The following P4HA3 variants were observed in gnomAD, a reference collection of about 807,000 sequenced individuals.
The protein encoded by P4HA3 is prolyl 4-hydroxylase subunit alpha 3.
A neutral mutation model predicts 66.7 loss-of-function variants in P4HA3; 60 were observed. The observed-to-expected ratio is 0.90, with a 90% CI of 0.73 to 1.12. The LOEUF is 1.12. Ranked by LOEUF, P4HA3 falls within the 50% of genes most tolerant of loss-of-function variation. The pLI, the probability that P4HA3 is intolerant of heterozygous loss-of-function variation, is 0.00. For missense variants in P4HA3, 683 were observed against 685.8 expected, an observed-to-expected ratio of 1.00 and a Z score of 0.05; for synonymous variants, 263 against 274.6, an observed-to-expected ratio of 0.96 and a Z score of 0.42.
At chr11:74,286,489 G>A (rs530110631) in intron 5 of P4HA3, 98 bp from the exon 6 acceptor site, 4 of 1,174,632 alleles carry the variant, frequency 3.4e-6, no homozygotes, top group East Asian at 2.6e-5. Context: ...TGCTGCACAG[G>A]ATGGGCAAGT....
chr11:74,255,554 A>G (rs1228130717), intron 15 of P4HA3, among the ~76,000 whole-genome samples: 1 of 152,178 alleles, frequency 6.6e-6, no homozygotes, highest in Non-Finnish European at 1.5e-5. Context: ...ATGGAGATAA[A>G]CCGTACCTAC....
intron 4 of P4HA3, among the ~76,000 whole-genome samples, chr11:74,290,067 A>G (rs1860957154): frequency 6.6e-6 from 1 of 152,042 alleles, no homozygotes; most frequent in South Asian, 2.1e-4. Flanking sequence ...CCAACAGTGT[A>G]AAAGTGTTCC....
At position 74,293,935 on chromosome 11, in the gene P4HA3, T is replaced by C. The variant is rs574815336; in HGVS notation, c.717+4277A>G. On this transcript the variant is annotated intron_variant, in intron 4 of 12. Coordinates refer to ENST00000331597, the MANE Select transcript of P4HA3 (RefSeq NM_182904.5). ...TGACAATTATGTGTCTTGGAGTTGC[T>C]CTTCTCGAGGAGTATCTTTGTGGCG... Among the ~76,000 whole-genome samples the C allele has an allele frequency of 2.0e-5, 3 of 152,322 alleles. No homozygotes were observed. The South Asian group carries it at 6.2e-4, about 32-fold the overall frequency.
intron 4 of P4HA3, among the ~76,000 whole-genome samples, chr11:74,294,181 C>T (rs1861133854): frequency 6.6e-6 from 1 of 152,182 alleles, no homozygotes; most frequent in Non-Finnish European, 1.5e-5. Context: ...TCTCTCCTCG[C>T]TTCGTTTCAT....
chr11:74,277,981 C>T (rs1170835166), intron 8 of P4HA3, among the ~76,000 whole-genome samples: 1 of 152,160 alleles, frequency 6.6e-6, no homozygotes, highest in African/African-American at 2.4e-5. Flanking sequence ...GCCACATGCT[C>T]TTAGGTTACA....
intron 15 of P4HA3, among the ~76,000 whole-genome samples, chr11:74,255,648 G>A (rs1487158627): frequency 6.6e-6 from 1 of 152,204 alleles, no homozygotes; most frequent in Admixed American, 6.5e-5. Context: ...CATTTAATAA[G>A]TAGTTCCTGT....
chr11:74,254,557 C>T (rs1456304439), intron 15 of P4HA3: 1 of 153,248 alleles, frequency 6.5e-6, no homozygotes, highest in Non-Finnish European at 1.5e-5. Context: ...TTTTCTGTGA[C>T]TGTCTTAGGT....
chr11:74,279,865 G>C (rs558503183), intron 7 of P4HA3, among the ~76,000 whole-genome samples: 1 of 152,210 alleles, frequency 6.6e-6, no homozygotes, highest in South Asian at 2.1e-4. Flanking sequence ...AGTGTTTGTC[G>C]AATTAAATGA....
At position 74,266,970 on chromosome 11, in the gene P4HA3, G is replaced by T; in HGVS notation, c.*278C>A. On this transcript the variant is annotated 3_prime_UTR_variant, in exon 13 of 13. Transcript: ENST00000331597. Reference sequence around the variant, plus strand: ...TGAGATGTCCTGTTCCCAACAGAGAGTATCTGAACTCCAGAAACTTCCCTC... The same window carrying T: ...TGAGATGTCCTGTTCCCAACAGAGATTATCTGAACTCCAGAAACTTCCCTC... 7.0e-7 allele frequency: 1 copy of T among 1,427,270 alleles called. No homozygotes were observed. Among genetic ancestry groups the T allele is most frequent in the South Asian group, 1.4e-5 (1 of 71,546 alleles). The allele number at this position is 1,427,270 out of a possible 1,614,324, so 88.4% of individuals were successfully genotyped here. A position where few individuals can be genotyped will look rare whatever the true frequency, so the allele number is the denominator to read the frequency against.
At chr11:74,296,272 C>G (rs1057408242) in intron 4 of P4HA3, among the ~76,000 whole-genome samples, 8 of 152,176 alleles carry the variant, frequency 5.3e-5, no homozygotes, top group African/African-American at 1.9e-4. Flanking sequence ...CCTATGTTTT[C>G]ACAGCATTTG....
chr11:74,287,111 C>T (rs1485043621), intron 5 of P4HA3: 4 of 1,189,642 alleles, frequency 3.4e-6, no homozygotes, highest in Non-Finnish European at 4.2e-6. Flanking sequence ...CTTGTTTGTG[C>T]CCACCTGTTT....
intron 4 of P4HA3, among the ~76,000 whole-genome samples, chr11:74,294,546 T>C (rs1348445832): frequency 6.6e-6 from 1 of 152,212 alleles, no homozygotes; most frequent in Non-Finnish European, 1.5e-5. Flanking sequence ...TTCCAGTGTT[T>C]CTGCTCTGTT....
At chr11:74,274,190 C>T (rs1478547690) in intron 9 of P4HA3, among the ~76,000 whole-genome samples, 1 of 152,152 alleles carries the variant, frequency 6.6e-6, no homozygotes, top group Non-Finnish European at 1.5e-5. Flanking sequence ...CTCAGGCAAC[C>T]CACTTATCTG....
At chr11:74,299,390 A>G (rs1364057607) in intron 3 of P4HA3, among the ~76,000 whole-genome samples, 1 of 152,220 alleles carries the variant, frequency 6.6e-6, no homozygotes, top group Non-Finnish European at 1.5e-5. Context: ...AGATATTGCA[A>G]TTCTGCAGCC....
intron 15 of P4HA3, chr11:74,255,917 C>T (rs771773019): frequency 2.9e-5 from 15 of 516,178 alleles, no homozygotes; most frequent in Admixed American, 1.6e-4. Flanking sequence ...TTTCTCTCAC[C>T]GGAACACTTT....
chr11:74,294,713 C>T (rs1861155066), intron 4 of P4HA3, among the ~76,000 whole-genome samples: 1 of 152,186 alleles, frequency 6.6e-6, no homozygotes, highest in African/African-American at 2.4e-5. Context: ...AGGTCCACTC[C>T]AGACCCTGTT....
intron 7 of P4HA3, among the ~76,000 whole-genome samples, chr11:74,283,186 G>C (rs1025429742): frequency 4.6e-5 from 7 of 152,172 alleles, no homozygotes; most frequent in African/African-American, 7.2e-5. Flanking sequence ...CACTTCTAGG[G>C]GAAGGAAGTG....
intron 9 of P4HA3, among the ~76,000 whole-genome samples, chr11:74,274,117 C>T (rs1157974121): frequency 6.6e-6 from 1 of 151,994 alleles, no homozygotes; most frequent in Non-Finnish European, 1.5e-5. Context: ...ACACAGAACA[C>T]TTCCATCTGC....
At chr11:74,262,995 G>A (rs889817866), downstream of P4HA3, among the ~76,000 whole-genome samples, 8 of 152,228 alleles carry the variant, frequency 5.3e-5, no homozygotes, top group Admixed American at 3.9e-4. Context: ...GTGCTCTACA[G>A]GCATGCATTC....
Sources: allele counts gnomAD v4.1 joint callset (sites outside exome capture counted in the v4.1 genomes callset), GRCh38; gene constraint gnomAD v4.1.1; transcripts MANE v1.5; gene names NCBI Gene and HGNC (gene_info 2026-07-23, HGNC 2026-07-21).